The following EEIG1 variants were observed in gnomAD, a reference collection of about 807,000 sequenced individuals.
EEIG1 encodes the protein estrogen-induced osteoclastogenesis regulator 1.
chr9:127,961,652 A>G, the EEIG1 span, among the ~76,000 whole-genome samples: 1 of 152,194 alleles, frequency 6.6e-6, no homozygotes, highest in Non-Finnish European at 1.5e-5. Context: ...TGCAACAGAG[A>G]AAAAGGAACC....
chr9:127,953,847 G>C, the EEIG1 span: 1 of 1,613,954 alleles, frequency 6.2e-7, no homozygotes, highest in Non-Finnish European at 8.5e-7. Flanking sequence ...CCAGCAGGCC[G>C]GTGGCCGGGT....
the EEIG1 span, chr9:127,944,794 T>C: frequency 1.6e-5 from 26 of 1,612,148 alleles, no homozygotes; most frequent in Non-Finnish European, 2.2e-5. Flanking sequence ...GTTGCTGCCA[T>C]CTGTGAAATC....
At chr9:127,947,585 C>T in the EEIG1 span, among the ~76,000 whole-genome samples, 1 of 152,278 alleles carries the variant, frequency 6.6e-6, no homozygotes, top group South Asian at 2.1e-4. Context: ...CAGAGAGACG[C>T]AAACTGGCCA....
At chr9:127,953,799 C>A in the EEIG1 span, 2 of 1,613,998 alleles carry the variant, frequency 1.2e-6, no homozygotes, top group Non-Finnish European at 1.7e-6. Context: ...GCGCCCTTGG[C>A]CTCACCTTGC....
the EEIG1 span, among the ~76,000 whole-genome samples, chr9:127,967,977 CTTTT>C: frequency 3.7e-4 from 37 of 99,216 alleles, no homozygotes; most frequent in Non-Finnish European, 4.2e-4. Flanking sequence ...TTCCCCAGGT[CTTTT>C]TTTTTTTTTT....
the EEIG1 span, among the ~76,000 whole-genome samples, chr9:127,974,967 C>T: frequency 6.6e-6 from 1 of 152,242 alleles, no homozygotes; most frequent in Non-Finnish European, 1.5e-5. Context: ...CTGCTCCACT[C>T]AGCTCCAAGG....
At chr9:127,957,689 T>C in the EEIG1 span, among the ~76,000 whole-genome samples, 1 of 152,236 alleles carries the variant, frequency 6.6e-6, no homozygotes, top group Non-Finnish European at 1.5e-5. Flanking sequence ...AATTCACGCT[T>C]TTGATTTCAA....
the EEIG1 span, chr9:127,953,738 G>T: frequency 9.3e-6 from 15 of 1,612,376 alleles, no homozygotes; most frequent in South Asian, 1.4e-4. Flanking sequence ...TCAGCTGGGG[G>T]TGCGGACTCA....
the EEIG1 span, among the ~76,000 whole-genome samples, chr9:127,946,897 C>T: frequency 6.6e-6 from 1 of 152,252 alleles, no homozygotes; most frequent in Admixed American, 6.5e-5. Context: ...AGGGTTGTCA[C>T]GTGACACCTT....
the EEIG1 span, among the ~76,000 whole-genome samples, chr9:127,975,668 TCTC>T: frequency 2.0e-5 from 3 of 152,016 alleles, no homozygotes; most frequent in Non-Finnish European, 4.4e-5. Flanking sequence ...TCTCTGCCCA[TCTC>T]CTCCAGAAAA....
chr9:127,956,407 G>C, the EEIG1 span, among the ~76,000 whole-genome samples: 1 of 152,128 alleles, frequency 6.6e-6, no homozygotes, highest in Non-Finnish European at 1.5e-5. Flanking sequence ...AAACTATTTT[G>C]TTTTATTTAT....
chr9:127,973,624 G>A, the EEIG1 span, among the ~76,000 whole-genome samples: 4 of 152,198 alleles, frequency 2.6e-5, no homozygotes, highest in Non-Finnish European at 5.9e-5. The surrounding 1 kb of genome is among the most constrained non-coding windows in gnomAD (Gnocchi z 4.2). Flanking sequence ...CACAGTCACG[G>A]CAGCTTCAGG....
At chr9:127,968,929 A>G in the EEIG1 span, among the ~76,000 whole-genome samples, 1 of 152,302 alleles carries the variant, frequency 6.6e-6, no homozygotes, top group South Asian at 2.1e-4. Context: ...CCAATCCTGG[A>G]CCAATCTTTG....
the EEIG1 span, among the ~76,000 whole-genome samples, chr9:127,959,281 T>C: frequency 2.6e-5 from 4 of 152,112 alleles, no homozygotes; most frequent in Non-Finnish European, 4.4e-5. Flanking sequence ...ACAAATAAAA[T>C]GTGTTCTATG....
At chr9:127,960,555 G>A in the EEIG1 span, among the ~76,000 whole-genome samples, 4 of 152,288 alleles carry the variant, frequency 2.6e-5, no homozygotes, top group Admixed American at 2.0e-4. Flanking sequence ...AGGCTGGGGA[G>A]TGGCCATGGC....
the EEIG1 span, among the ~76,000 whole-genome samples, chr9:127,971,822 TGGA>T: frequency 6.6e-6 from 1 of 152,126 alleles, no homozygotes; most frequent in Non-Finnish European, 1.5e-5. Flanking sequence ...GGAGGCTTCC[TGGA>T]GGAGGTGACT....
At chr9:127,979,864 T>C in the EEIG1 span, 1 of 1,198,698 alleles carries the variant, frequency 8.3e-7, no homozygotes, top group Non-Finnish European at 1.1e-6. Context: ...TTGTGCAACC[T>C]GCCCCAGGCA....
At chr9:127,961,379 G>A in the EEIG1 span, among the ~76,000 whole-genome samples, 2 of 152,196 alleles carry the variant, frequency 1.3e-5, no homozygotes, top group African/African-American at 4.8e-5. Flanking sequence ...GCTTGTGATG[G>A]GAGGTGGGAA....
At chr9:127,953,788 T>C in the EEIG1 span, 4 of 1,613,874 alleles carry the variant, frequency 2.5e-6, no homozygotes, top group African/African-American at 2.7e-5. Context: ...CAGCCCCACA[T>C]GCGCCCTTGG....
Sources: allele counts gnomAD v4.1 joint callset (sites outside exome capture counted in the v4.1 genomes callset), GRCh38; gene constraint gnomAD v4.1.1; non-coding constraint Gnocchi (gnomAD v3.1); transcripts MANE v1.5; gene names NCBI Gene and HGNC (gene_info 2026-07-23, HGNC 2026-07-21).